The following SGCZ variants were observed in gnomAD, a reference collection of about 807,000 sequenced individuals.
The protein encoded by SGCZ is sarcoglycan zeta.
Under a neutral mutation model 41.3 loss-of-function variants are expected in SGCZ, and 40 were observed. The observed-to-expected ratio is 0.97, with a 90% CI of 0.75 to 1.26. The LOEUF (loss-of-function observed/expected upper bound fraction) is 1.26, where lower values mean the gene tolerates loss of function less well. Ranked by LOEUF, SGCZ falls within the 50% of genes most tolerant of loss-of-function variation. The probability of loss-of-function intolerance (pLI) is 0.00; values close to 1 mark genes in which losing one functional copy is unlikely to be tolerated. For synonymous variants in SGCZ, 206 were observed against 137.5 expected, an observed-to-expected ratio of 1.50 and a Z score of -3.49; for missense variants, 552 against 369.8, an observed-to-expected ratio of 1.49 and a Z score of -4.04.
intron 3 of SGCZ, among the ~76,000 whole-genome samples, chr8:14,282,657 C>G (rs1278878434): frequency 1.3e-5 from 2 of 152,098 alleles, no homozygotes; most frequent in Non-Finnish European, 2.9e-5. Context: ...CTGAAGCCTG[C>G]ATATTCTGTT....
intron 1 of SGCZ, among the ~76,000 whole-genome samples, chr8:14,739,117 T>G (rs1585221961): frequency 6.6e-6 from 1 of 152,088 alleles, no homozygotes. Context: ...TGTGTATGTG[T>G]GTCTGTGTGC....
intron 1 of SGCZ, among the ~76,000 whole-genome samples, chr8:15,017,354 T>A (rs1175315316): frequency 6.6e-6 from 1 of 152,208 alleles, no homozygotes; most frequent in Non-Finnish European, 1.5e-5. Context: ...TCCCATTCAC[T>A]GCACACGTAC....
At position 14,887,617 on chromosome 8, in the gene SGCZ, T is replaced by C. The variant is rs951005123; in HGVS notation, c.40-332691A>G. On this transcript the variant is annotated intron_variant, in intron 1 of 7. Transcript: ENST00000382080. ...ATACATAAACACACATACACAATCA[T>C]ATAAAAACTATGAATAATTTTGATA... Among the ~76,000 whole-genome samples the C allele has an allele frequency of 6.6e-5, 10 of 152,112 alleles. No individual in the cohort carries two copies. In the East Asian group the frequency reaches 1.9e-3, roughly 29 times the overall value.
At chr8:15,136,213 C>A (rs1199940072) in intron 1 of SGCZ, among the ~76,000 whole-genome samples, 1 of 152,104 alleles carries the variant, frequency 6.6e-6, no homozygotes, top group African/African-American at 2.4e-5. Context: ...CCTCAGTACC[C>A]TGCTCAGGAT....
At chr8:15,212,463 G>C (rs1801263750) in intron 1 of SGCZ, among the ~76,000 whole-genome samples, 1 of 152,054 alleles carries the variant, frequency 6.6e-6, no homozygotes. Flanking sequence ...GTTTAGGATT[G>C]TTTGGCTTCT....
chr8:14,370,994 A>T (rs1160721981), intron 2 of SGCZ, among the ~76,000 whole-genome samples: 1 of 152,028 alleles, frequency 6.6e-6, no homozygotes, highest in Admixed American at 6.6e-5. Context: ...ATTATAAATG[A>T]AACACACAAA....
At chr8:14,412,061 G>A (rs1799375275) in intron 2 of SGCZ, among the ~76,000 whole-genome samples, 1 of 152,080 alleles carries the variant, frequency 6.6e-6, no homozygotes, top group African/African-American at 2.4e-5. Context: ...TAAAGCCAGT[G>A]TTGACCTCAA....
Position 15,098,214 on chromosome 8 carries a change from G to A in SGCZ, c.39+139371C>T, listed in dbSNP as rs147150394. Among the ~76,000 whole-genome samples the A allele has an allele frequency of 2.6e-5, 4 of 151,872 alleles. No homozygotes were observed. The East Asian group carries it at 7.7e-4, about 29-fold the overall frequency. On this transcript the variant is annotated intron_variant, in intron 1 of 7. Transcript: ENST00000382080. ...AAGGAGGAAGAAAAGACAGAAAGGA[G>A]TGAAAAAGAAAGAAGAAAAAATGAG...
intron 1 of SGCZ, among the ~76,000 whole-genome samples, chr8:14,963,079 T>G (rs1801012625): frequency 6.6e-6 from 1 of 152,168 alleles, no homozygotes; most frequent in African/African-American, 2.4e-5. Context: ...CAAACAACCT[T>G]TCCATTGTAT....
chr8:14,731,189 G>A (rs999715611), intron 1 of SGCZ, among the ~76,000 whole-genome samples: 14 of 151,756 alleles, frequency 9.2e-5, no homozygotes, highest in African/African-American at 3.4e-4. Context: ...TATACACCAT[G>A]GAATATTATG....
chr8:14,581,099 A>T (rs1804873207), intron 1 of SGCZ, among the ~76,000 whole-genome samples: 1 of 151,788 alleles, frequency 6.6e-6, no homozygotes, highest in Non-Finnish European at 1.5e-5. Flanking sequence ...TTGGTTACTA[A>T]TTTTTTTTAT....
intron 1 of SGCZ, among the ~76,000 whole-genome samples, chr8:14,589,287 A>G (rs1471358944): frequency 1.3e-5 from 2 of 151,378 alleles, no homozygotes; most frequent in African/African-American, 4.9e-5. Flanking sequence ...TGAGTGTTGC[A>G]GTGAGCTGAG....
chr8:14,995,164 G>A (rs1163182495), intron 1 of SGCZ, among the ~76,000 whole-genome samples: 1 of 152,366 alleles, frequency 6.6e-6, no homozygotes. Context: ...ATTTGGACAG[G>A]GAGACACTGA....
chr8:14,495,114 T>A (rs1264039568), intron 2 of SGCZ, among the ~76,000 whole-genome samples: 1 of 152,114 alleles, frequency 6.6e-6, no homozygotes, highest in African/African-American at 2.4e-5. Context: ...TCTCAAGGAA[T>A]GTGGATTCAG....
chr8:14,955,269 G>T (rs907628332), intron 1 of SGCZ, among the ~76,000 whole-genome samples: 1 of 152,146 alleles, frequency 6.6e-6, no homozygotes, highest in African/African-American at 2.4e-5. Flanking sequence ...CATCCATGTT[G>T]ATGTGTGTAG....
intron 1 of SGCZ, among the ~76,000 whole-genome samples, chr8:14,577,384 C>G (rs372816937): frequency 8.9e-6 from 1 of 111,880 alleles, no homozygotes; most frequent in African/African-American, 3.6e-5. Flanking sequence ...AGAAATATAT[C>G]TTTTTTTTTT....
In SGCZ at chr8:15,149,711, C is replaced by CAAAAAAAAAAAAAAAAAAAAAA. The variant is rs750167614; in HGVS notation, c.39+87873_39+87874insTTTTTTTTTTTTTTTTTTTTTT. Among the ~76,000 whole-genome samples, 2 of 57,262 alleles carry CAAAAAAAAAAAAAAAAAAAAAA rather than the reference C, an allele frequency of 3.5e-5. 1 individual carries two copies. The highest frequency in any genetic ancestry group is 9.1e-5 in the African/African-American group (2 of 22,094). The allele number at this position is 57,262 out of a possible 152,430, so 37.6% of individuals were successfully genotyped here. ...CGACTGCTGGTATAACTATAAACTACAAAAAAAAAAAAAAAAAAAAAGCCT... is the reference window on the plus strand; with the variant it reads ...CGACTGCTGGTATAACTATAAACTACAAAAAAAAAAAAAAAAAAAAAAAAAAAAAAAAAAAAAAAAAAAGCCT... On this transcript the variant is annotated intron_variant, in intron 1 of 7. Transcript: ENST00000382080.
intron 2 of SGCZ, among the ~76,000 whole-genome samples, chr8:14,435,451 C>G (rs964073215): frequency 6.6e-6 from 1 of 152,146 alleles, no homozygotes; most frequent in African/African-American, 2.4e-5. Flanking sequence ...GCTCCCTTCT[C>G]TTGAATTTTT....
chr8:14,989,559 C>T (rs184304948), intron 1 of SGCZ, among the ~76,000 whole-genome samples: 2 of 151,708 alleles, frequency 1.3e-5, no homozygotes, highest in Non-Finnish European at 3.0e-5. Flanking sequence ...GGGTAAGCAA[C>T]GTGCTCAGAG....
Sources: allele counts gnomAD v4.1 joint callset (sites outside exome capture counted in the v4.1 genomes callset), GRCh38; gene constraint gnomAD v4.1.1; transcripts MANE v1.5; gene names NCBI Gene and HGNC (gene_info 2026-07-23, HGNC 2026-07-21).